The following CBFA2T3 variants were observed in gnomAD, a reference collection of about 807,000 sequenced individuals.
CBFA2T3 encodes the protein transcriptional corepressor CBFA2T3.
In CBFA2T3, 31 loss-of-function variants were observed where a neutral mutation model predicts 58.6. That is an observed-to-expected ratio of 0.53 (90% confidence interval 0.40 to 0.71). The LOEUF is 0.71. CBFA2T3 is among the 30% of genes least tolerant of loss of function. CBFA2T3 has a pLI of 0.00. For missense variants in CBFA2T3, 1,076 were observed against 963.1 expected (o/e 1.12, Z -1.55); for synonymous variants, 531 against 421.9 (o/e 1.26, Z -3.17).
chr16:88,924,967 G>A (rs1457499111), intron 1 of CBFA2T3, among the ~76,000 whole-genome samples: 1 of 152,340 alleles, frequency 6.6e-6, no homozygotes, highest in East Asian at 1.9e-4. Flanking sequence ...ACTGAGGGAC[G>A]GCCCTGAAGA....
intron 7 of CBFA2T3, chr16:88,883,863 C>T (rs1969241625): frequency 6.6e-6 from 1 of 152,306 alleles, no homozygotes; most frequent in African/African-American, 2.4e-5. Flanking sequence ...TCAGAGGCTT[C>T]CAGGCCCCAC....
At chr16:88,932,185 ACACGGCCCCCG>A (rs1567617066) in intron 1 of CBFA2T3, among the ~76,000 whole-genome samples, 10 of 46,222 alleles carry the variant, frequency 2.2e-4, no homozygotes, top group African/African-American at 9.3e-4. Context: ...CTTCCCCCTC[ACACGGCCCCCG>A]CTTCCCCCTC....
At chr16:88,916,607 T>C (rs1177824181) in intron 1 of CBFA2T3, among the ~76,000 whole-genome samples, 2 of 131,180 alleles carry the variant, frequency 1.5e-5, no homozygotes, top group Non-Finnish European at 3.1e-5. Flanking sequence ...ACAGAGCTTC[T>C]CTGGAAGGAA....
Position 88,876,848 on chromosome 16 carries a change from TC to T in CBFA2T3, c.*127del. 2 of 711,524 alleles carry T rather than the reference TC, an allele frequency of 2.8e-6. No homozygotes were observed. The highest frequency in any genetic ancestry group is 4.2e-6 in the Non-Finnish European group (2 of 472,580). The allele number at this position is 711,524 out of a possible 1,614,324, so 44.1% of individuals were successfully genotyped here. On this transcript the variant is annotated 3_prime_UTR_variant, in exon 12 of 12. Coordinates refer to ENST00000268679, the MANE Select transcript of CBFA2T3 (RefSeq NM_005187.6). ...TAGCAGCAGTGACTAATTGGTCGGC[TC>T]CCCCAGGTCAGGCGGGGCGCAGTGT...
chr16:88,939,701 AC>A (rs1971639871), intron 1 of CBFA2T3: 3 of 152,068 alleles, frequency 2.0e-5, no homozygotes, highest in Non-Finnish European at 4.4e-5. Context: ...ACACAGCCCG[AC>A]CCCAGAGGCA....
intron 1 of CBFA2T3, among the ~76,000 whole-genome samples, chr16:88,934,877 C>T (rs1660307540): frequency 6.6e-6 from 1 of 152,240 alleles, no homozygotes; most frequent in African/African-American, 2.4e-5. Context: ...GTAGCTGGGA[C>T]TACAGGCGCC....
At chr16:88,947,334 A>G (rs536467551) in intron 1 of CBFA2T3, among the ~76,000 whole-genome samples, 8 of 152,364 alleles carry the variant, frequency 5.3e-5, no homozygotes, top group African/African-American at 1.4e-4. Context: ...TTTAAAAGAC[A>G]GATACAAACA....
chr16:88,908,705 C>G (rs1246212580), intron 1 of CBFA2T3, among the ~76,000 whole-genome samples: 1 of 152,238 alleles, frequency 6.6e-6, no homozygotes, highest in African/African-American at 2.4e-5. Flanking sequence ...CGCCTCGTAC[C>G]CTCGCCAGCT....
Position 88,953,712 on chromosome 16 carries a change from A to G in CBFA2T3, c.151+22945T>C, listed in dbSNP as rs1972138620. Among the ~76,000 whole-genome samples, 1 of 152,116 alleles carries G rather than the reference A, an allele frequency of 6.6e-6. No homozygotes were observed. Among genetic ancestry groups the G allele is most frequent in the East Asian group, 1.9e-4 (1 of 5,186 alleles). ...CTGTATTCGGCACCCTGAGACCCTT[A>G]TGTCTGCCTATTGAAGGCACAGTTT... On this transcript the variant is annotated intron_variant, in intron 1 of 11. Transcript: ENST00000268679. The surrounding 1 kb of genome is among the most constrained non-coding windows in gnomAD (Gnocchi z 4.9).
chr16:88,925,534 C>T (rs1369909583), intron 1 of CBFA2T3, among the ~76,000 whole-genome samples: 3 of 152,190 alleles, frequency 2.0e-5, no homozygotes, highest in East Asian at 1.9e-4. Context: ...AGCAGAAGGA[C>T]GACTCTGAGG....
chr16:88,899,547 G>T (rs1970019009), intron 2 of CBFA2T3, among the ~76,000 whole-genome samples: 1 of 152,162 alleles, frequency 6.6e-6, no homozygotes. Flanking sequence ...CCCAGCCCCA[G>T]GCATGCCGGC....
chr16:88,915,396 G>A (rs867169346), intron 1 of CBFA2T3, among the ~76,000 whole-genome samples: 6 of 77,378 alleles, frequency 7.8e-5, no homozygotes, highest in African/African-American at 1.4e-4. Context: ...CAGCATGGAG[G>A]GGGGAGCGTG....
At chr16:88,960,613 C>T (rs1186020333) in intron 1 of CBFA2T3, among the ~76,000 whole-genome samples, 2 of 152,242 alleles carry the variant, frequency 1.3e-5, no homozygotes, top group Non-Finnish European at 2.9e-5. Flanking sequence ...GCCTGGAATG[C>T]AGACATGATG....
At chr16:88,880,911 C>T in intron 9 of CBFA2T3, 123 bp from the exon 10 acceptor site, 1 of 910,726 alleles carries the variant, frequency 1.1e-6, no homozygotes, top group East Asian at 2.6e-5. Flanking sequence ...TGGGGGGAGG[C>T]CCAGGTGCCC....
chr16:88,882,461 GTGTGCGTGGGGGTGGC>G (rs564145191), intron 8 of CBFA2T3, among the ~76,000 whole-genome samples, 199 bp downstream of exon 8: 2,152 of 150,290 alleles, frequency 0.014, 20 homozygotes, highest in East Asian at 0.027. Context: ...GGGCGTGGCT[GTGTGCGTGGGGGTGGC>G]TGTGTGTGAC....
At chr16:88,942,561 A>T (rs1971778956) in intron 1 of CBFA2T3, among the ~76,000 whole-genome samples, 1 of 151,844 alleles carries the variant, frequency 6.6e-6, no homozygotes, top group African/African-American at 2.4e-5. Flanking sequence ...CTGAGCTGGC[A>T]GAGGAAGGGG....
intron 1 of CBFA2T3, among the ~76,000 whole-genome samples, chr16:88,928,576 C>G: frequency 6.6e-6 from 1 of 152,324 alleles, no homozygotes; most frequent in Admixed American, 6.5e-5. Context: ...GTCCCTGAAG[C>G]AGCCGGCGAC....
At chr16:88,900,884 C>A (rs1040983833) in intron 2 of CBFA2T3, among the ~76,000 whole-genome samples, 5 of 152,256 alleles carry the variant, frequency 3.3e-5, no homozygotes, top group Non-Finnish European at 5.9e-5. Context: ...GCACGGCCAA[C>A]CCCTTGCCAG....
intron 1 of CBFA2T3, among the ~76,000 whole-genome samples, chr16:88,935,792 C>T (rs1197640423): frequency 1.3e-5 from 2 of 152,218 alleles, no homozygotes; most frequent in Admixed American, 6.5e-5. Flanking sequence ...AGAAAAGGGA[C>T]GAGGCTGATG....
Sources: gnomAD v4.1 joint callset for allele counts (sites outside exome capture counted in the v4.1 genomes callset) on GRCh38, gnomAD v4.1.1 for gene constraint, Gnocchi (gnomAD v3.1) non-coding constraint, MANE v1.5 for transcripts, NCBI Gene and HGNC (gene_info 2026-07-23, HGNC 2026-07-21) for gene names.